PDXK: variants seen among roughly 807,000 people sequenced by gnomAD.
PDXK encodes pyridoxal kinase.
Under a neutral mutation model 43.2 loss-of-function variants are expected in PDXK, and 15 were observed. The ratio of observed to expected loss-of-function variants is 0.35; its 90% CI spans 0.23 to 0.53. PDXK has a LOEUF of 0.53. Among genes scored for constraint, PDXK ranks in the 20% least tolerant of loss-of-function variants. The pLI, the probability that PDXK is intolerant of heterozygous loss-of-function variation, is 0.92. For missense variants in PDXK, 343 were observed against 417.0 expected, an observed-to-expected ratio of 0.82 and a Z score of 1.54; for synonymous variants, 172 against 165.4, an observed-to-expected ratio of 1.04 and a Z score of -0.31.
At chr21:43,747,042 G>A (rs1306477960) in intron 5 of PDXK, 1 of 152,586 alleles carries the variant, frequency 6.6e-6, no homozygotes, top group Admixed American at 6.5e-5. Flanking sequence ...GGAGGCTGAG[G>A]TGGGAGGATC....
In PDXK at chr21:43,741,760, A is replaced by G. The variant is rs770350486; in HGVS notation, c.236A>G (p.Tyr79Cys). 4 of 1,602,170 alleles carry G rather than the reference A, an allele frequency of 2.5e-6. No individual in the cohort carries two copies. Among genetic ancestry groups the G allele is most frequent in the East Asian group, 2.2e-5 (1 of 44,822 alleles). Residue 79 changes from tyrosine to cysteine, a missense_variant, in exon 3 of 11, where the codon TAC becomes TGC. By Grantham distance (194) the Tyr-to-Cys change is radical. Transcript: ENST00000291565. ...LRLNNMNKYDYVLTGYTRDKS... is the reference protein window; with the variant it reads ...LRLNNMNKYDCVLTGYTRDKS... The stretch of plus-strand genomic sequence containing the variant: ...CTGAACAACATGAATAAATATGACT[A>G]CGTGCTCACAGGTAGGTGCCGGAGC...
Position 43,758,647 on chromosome 21 carries a change from C to T in PDXK, c.*2584C>T, listed in dbSNP as rs2083889614. On this transcript the variant is annotated 3_prime_UTR_variant, in exon 11 of 11. Coordinates refer to ENST00000291565, the MANE Select transcript of PDXK (RefSeq NM_003681.5). ...GCATTGGCAGTGGGTTTCCCTATGG[C>T]TTGGATCCAGATTAGAATTGATCTT... 2 of 153,576 alleles carry T rather than the reference C, an allele frequency of 1.3e-5. No individual in the cohort carries two copies. The highest frequency in any genetic ancestry group is 1.5e-5 in the Non-Finnish European group (1 of 68,044). 9.5% of individuals were successfully genotyped at this position (153,576 alleles called of 1,614,324 possible).
chr21:43,747,176 TG>T, intron 5 of PDXK: 1 of 152,336 alleles, frequency 6.6e-6, no homozygotes, highest in African/African-American at 2.4e-5. Flanking sequence ...CCATGAGCTG[TG>T]TAGTAACAGC....
chr21:43,739,234 G>A (rs1300603021), intron 2 of PDXK, among the ~76,000 whole-genome samples: 2 of 152,126 alleles, frequency 1.3e-5, no homozygotes, highest in Non-Finnish European at 2.9e-5. Flanking sequence ...CGTTGGCCAG[G>A]CTGGTCTCGA....
At chr21:43,724,672 G>C (rs1169877297) in intron 1 of PDXK, among the ~76,000 whole-genome samples, 1 of 146,764 alleles carries the variant, frequency 6.8e-6, no homozygotes, top group Non-Finnish European at 1.5e-5. Context: ...CAAGACTCCA[G>C]CTCTACAAGA....
intron 1 of PDXK, among the ~76,000 whole-genome samples, chr21:43,730,876 T>C (rs540305669): frequency 4.5e-4 from 68 of 152,150 alleles, no homozygotes; most frequent in Non-Finnish European, 9.0e-4. Flanking sequence ...GATCCCTTGA[T>C]CCCAGGAGTT....
chr21:43,722,361 C>T lies in PDXK; in HGVS notation c.87+2980C>T, dbSNP rs377635490. On this transcript the variant is annotated intron_variant, in intron 1 of 10. Coordinates refer to ENST00000291565, the MANE Select transcript of PDXK (RefSeq NM_003681.5). Reference sequence around the variant, plus strand: ...TCACATGTTTCTGTAGGCCTCACTGCATGGGGGAGATCCTGGGGCCCTCAG... The same window carrying T: ...TCACATGTTTCTGTAGGCCTCACTGTATGGGGGAGATCCTGGGGCCCTCAG... Among the ~76,000 whole-genome samples, 30 of 152,330 alleles carry T rather than the reference C, an allele frequency of 2.0e-4. 1 individual carries two copies. The East Asian group carries it at 3.3e-3, about 17-fold the overall frequency.
intron 6 of PDXK, 82 bp from the exon 7 acceptor site, chr21:43,750,418 T>C (rs1451373185): frequency 1.5e-5 from 19 of 1,263,158 alleles, no homozygotes; most frequent in Non-Finnish European, 2.0e-5. Flanking sequence ...CCAGAGCCGC[T>C]GCGGTTTGGG....
intron 1 of PDXK, among the ~76,000 whole-genome samples, chr21:43,726,768 G>A (rs2083258184): frequency 6.6e-6 from 1 of 152,122 alleles, no homozygotes; most frequent in Admixed American, 6.6e-5. Flanking sequence ...CCACATCGGT[G>A]CATGTGTGTG....
chr21:43,750,732 CAT>C lies in PDXK; in HGVS notation c.510+188_510+189del, dbSNP rs1491230227. Among the ~76,000 whole-genome samples the C allele has an allele frequency of 1.5e-3, 182 of 124,360 alleles. 2 individuals carry two copies. The highest frequency in any genetic ancestry group is 5.6e-3 in the African/African-American group (165 of 29,624). The allele number at this position is 124,360 out of a possible 152,430, so 81.6% of individuals were successfully genotyped here. A position where few individuals can be genotyped will look rare whatever the true frequency, so the allele number is the denominator to read the frequency against. Reference sequence around the variant, plus strand: ...GTGTACATGTGTGGACATGTTTGTGCATGTGTGTGTGTGTGTGCATGTGTGCG... The same window carrying C: ...GTGTACATGTGTGGACATGTTTGTGCGTGTGTGTGTGTGTGCATGTGTGCG... On this transcript the variant is annotated intron_variant, in intron 7 of 10. Transcript: ENST00000291565.
chr21:43,739,908 C>T lies in PDXK; in HGVS notation c.143-1759C>T, dbSNP rs191010345. Among the ~76,000 whole-genome samples, 37 of 151,910 alleles carry T rather than the reference C, an allele frequency of 2.4e-4. 1 individual carries two copies. Among genetic ancestry groups the T allele is most frequent in the Admixed American group, 6.6e-4 (10 of 15,246 alleles). ...TCCTCCTACCCCTTACCCCAAACCC[C>T]GCCCCAGCCTGGCAGAAGCCTCCTC... On this transcript the variant is annotated intron_variant, in intron 2 of 10. Transcript: ENST00000291565.
chr21:43,732,214 A>G lies in PDXK; in HGVS notation c.88-1855A>G. ...ACTGCTGTACAGAGATGCCAATTCC[A>G]GAGGCATGGTCCGGCACAGAGCGCT... is the stretch of plus-strand genomic sequence containing the variant. On this transcript the variant is annotated intron_variant, in intron 1 of 10. Transcript: ENST00000291565. The surrounding 1 kb of genome is among the most constrained non-coding windows in gnomAD (Gnocchi z 4.1). 6.9e-7 allele frequency: 1 copy of G among 1,439,196 alleles called. No individual in the cohort carries two copies. Among genetic ancestry groups the G allele is most frequent in the Non-Finnish European group, 9.1e-7 (1 of 1,101,832 alleles). 89.2% of individuals were successfully genotyped at this position (1,439,196 alleles called of 1,614,324 possible).
chr21:43,748,808 T>C (rs1359632306), intron 5 of PDXK, among the ~76,000 whole-genome samples, 187 bp from the exon 6 acceptor site: 1 of 152,254 alleles, frequency 6.6e-6, no homozygotes, highest in Non-Finnish European at 1.5e-5. Context: ...CCCACTCTAG[T>C]GTGCCTCGGC....
At chr21:43,737,000 C>T in intron 2 of PDXK, 1 of 703,148 alleles carries the variant, frequency 1.4e-6, no homozygotes, top group South Asian at 1.5e-5. Flanking sequence ...AGTGGCGCAA[C>T]CAGCTCACTG....
intron 1 of PDXK, among the ~76,000 whole-genome samples, chr21:43,724,132 G>C (rs2838355): frequency 0.73 from 111,656 of 152,162 alleles, 41,339 homozygotes; most frequent in South Asian, 0.83. Flanking sequence ...TTTCATTCTC[G>C]TGGTCCGTCG....
In PDXK at chr21:43,726,629, A is replaced by T. The variant is rs995423000; in HGVS notation, c.87+7248A>T. Among the ~76,000 whole-genome samples, 6 of 152,012 alleles carry T rather than the reference A, an allele frequency of 3.9e-5. No homozygotes were observed. In the East Asian group the frequency reaches 1.2e-3, roughly 29 times the overall value. On this transcript the variant is annotated intron_variant, in intron 1 of 10. Coordinates refer to ENST00000291565, the MANE Select transcript of PDXK (RefSeq NM_003681.5). The stretch of plus-strand genomic sequence containing the variant: ...CACCATGTTGGCCAGGCTGGTCTTG[A>T]ACTCCTGACCTCAGGCAATCCACCC...
At position 43,724,941 on chromosome 21, in the gene PDXK, T is replaced by G. The variant is rs539439819; in HGVS notation, c.87+5560T>G. On this transcript the variant is annotated intron_variant, in intron 1 of 10. Transcript: ENST00000291565. ...CCGATGCACTAGGTAGACCCTGTTT[T>G]TAAAAAAAAAAAATCCCCTGCTCTG... 3.3e-5 allele frequency among the ~76,000 whole-genome samples: 5 copies of G among 150,504 alleles called. No homozygotes were observed. The East Asian group carries it at 7.8e-4, about 23-fold the overall frequency.
At position 43,719,417 on chromosome 21, in the gene PDXK, C is replaced by G. The variant is rs565846088; in HGVS notation, c.87+36C>G. The G allele has an allele frequency of 1.2e-5, 18 of 1,497,864 alleles. No individual in the cohort carries two copies. The African/African-American group carries it at 2.2e-4, about 18-fold the overall frequency. 92.8% of individuals were successfully genotyped at this position (1,497,864 alleles called of 1,614,324 possible). A position where few individuals can be genotyped will look rare whatever the true frequency, so the allele number is the denominator to read the frequency against. On this transcript the variant is annotated intron_variant, in intron 1 of 10. Coordinates refer to ENST00000291565, the MANE Select transcript of PDXK (RefSeq NM_003681.5). The stretch of plus-strand genomic sequence containing the variant: ...GCCCGCAGCCCGGGCTTACGTAACC[C>G]GAGCCCGTGACCTTGGCGGGGCTGC...
rs989304214 is a variant in PDXK, at chr21:43,755,886, GGAGTGGGGGCAACAGCGGGA to G, written c.827-63_827-44del. Reference sequence around the variant, plus strand: ...GTGTCTCCTGCTGACCTCACCTCTGGGAGTGGGGGCAACAGCGGGAGCCCCTCTGAGATGGGAACTCAGTG... The same window carrying G: ...GTGTCTCCTGCTGACCTCACCTCTGGGCCCCTCTGAGATGGGAACTCAGTG... On this transcript the variant is annotated intron_variant, in intron 10 of 10. Coordinates refer to ENST00000291565, the MANE Select transcript of PDXK (RefSeq NM_003681.5). The G allele has an allele frequency of 1.8e-5, 26 of 1,450,954 alleles. No homozygotes were observed. In the African/African-American group the frequency reaches 3.3e-4, roughly 19 times the overall value. The allele number at this position is 1,450,954 out of a possible 1,614,324, so 89.9% of individuals were successfully genotyped here.
Sources: allele counts gnomAD v4.1 joint callset (sites outside exome capture counted in the v4.1 genomes callset), GRCh38; gene constraint gnomAD v4.1.1; non-coding constraint Gnocchi (gnomAD v3.1); transcripts MANE v1.5; gene names NCBI Gene and HGNC (gene_info 2026-07-23, HGNC 2026-07-21).